Variants in PRL observed in about 807,000 individuals in gnomAD.
PRL encodes the protein decidual prolactin.
A neutral mutation model predicts 21.3 loss-of-function variants in PRL; 24 were observed. The observed-to-expected ratio is 1.13, with a 90% CI of 0.82 to 1.59. The LOEUF (loss-of-function observed/expected upper bound fraction) is 1.59, where lower values mean the gene tolerates loss of function less well. Among genes scored for constraint, PRL ranks in the 40% most tolerant of loss-of-function variants. The pLI, the probability that PRL is intolerant of heterozygous loss-of-function variation, is 0.00. For missense variants in PRL, 243 were observed against 286.9 expected (o/e 0.85, Z 1.10); for synonymous variants, 118 against 115.7 (o/e 1.02, Z -0.13).
upstream of PRL, among the ~76,000 whole-genome samples, chr6:22,297,956 A>T (rs1404444891): frequency 1.3e-5 from 2 of 152,212 alleles, no homozygotes; most frequent in African/African-American, 4.8e-5. Context: ...TGGGAAATGA[A>T]TTCTCTTGTA....
intron 1 of PRL, 106 bp from the exon 2 acceptor site, chr6:22,294,690 G>A: frequency 8.0e-7 from 1 of 1,248,696 alleles, no homozygotes; most frequent in Non-Finnish European, 1.1e-6. Context: ...GCCCTCAGCT[G>A]CCTGATTTGC....
chr6:22,300,300 T>G (rs2113521795), upstream of PRL, among the ~76,000 whole-genome samples: 1 of 152,346 alleles, frequency 6.6e-6, no homozygotes. Context: ...GCAATCTAAC[T>G]TAGTATGTAA....
intron 1 of PRL, among the ~76,000 whole-genome samples, chr6:22,295,432 C>T (rs1056215546): frequency 6.6e-6 from 1 of 152,074 alleles, no homozygotes; most frequent in Non-Finnish European, 1.5e-5. Flanking sequence ...TAATGGGGGC[C>T]GCATGAGTAG....
At position 22,290,364 on chromosome 6, in the gene PRL, A is replaced by G. The variant is rs769085266; in HGVS notation, c.313-11T>C. ...CAGAAAGTCTTTTTGCTACGAAACC[A>G]TATAGAACAATTGCATTAAAATAGG... is the stretch of plus-strand genomic sequence containing the variant. On this transcript the variant is annotated splice_polypyrimidine_tract_variant and intron_variant, in intron 3 of 4. Coordinates refer to ENST00000306482, the MANE Select transcript of PRL (RefSeq NM_000948.6). The G allele has an allele frequency of 1.5e-5, 24 of 1,560,856 alleles. No homozygotes were observed. Among genetic ancestry groups the G allele is most frequent in the Non-Finnish European group, 2.0e-5 (23 of 1,143,508 alleles).
intron 2 of PRL, among the ~76,000 whole-genome samples, chr6:22,293,673 GGGAAGGAAGGAAAAAA>G (rs1761109980): frequency 1.0e-4 from 3 of 29,368 alleles, no homozygotes; most frequent in South Asian, 1.1e-3. Context: ...GAAGGAAGGA[GGGAAGGAAGGAAAAAA>G]GGAAGGAAGG....
At position 22,288,376 on chromosome 6, in the gene PRL, C is replaced by T. The variant is rs1034817086; in HGVS notation, c.493-783G>A. ...TGGTGAAATCCCATCTCTACAAAAACATACAAAAATCAGCCGTGCCTATTG... is the reference window on the plus strand; with the variant it reads ...TGGTGAAATCCCATCTCTACAAAAATATACAAAAATCAGCCGTGCCTATTG... On this transcript the variant is annotated intron_variant, in intron 4 of 4. Coordinates refer to ENST00000306482, the MANE Select transcript of PRL (RefSeq NM_000948.6). The surrounding 1 kb of genome is among the most constrained non-coding windows in gnomAD (Gnocchi z 4.5). 6.6e-6 allele frequency among the ~76,000 whole-genome samples: 1 copy of T among 151,966 alleles called. No homozygotes were observed. Among genetic ancestry groups the T allele is most frequent in the African/African-American group, 2.4e-5 (1 of 41,382 alleles).
chr6:22,297,927 G>C (rs959588366), upstream of PRL, among the ~76,000 whole-genome samples: 9 of 152,296 alleles, frequency 5.9e-5, no homozygotes, highest in Middle Eastern at 3.4e-3. Context: ...CGGAAAATCA[G>C]GAGTCATATG....
At chr6:22,291,656 C>T (rs1476643894) in intron 3 of PRL, among the ~76,000 whole-genome samples, 3 of 152,108 alleles carry the variant, frequency 2.0e-5, no homozygotes, top group Admixed American at 6.5e-5. Context: ...CTTCCTCCTC[C>T]TTCTCCCCTT....
chr6:22,295,374 C>T lies in PRL; in HGVS notation c.29-790G>A, dbSNP rs1360248436. 1.3e-5 allele frequency among the ~76,000 whole-genome samples: 2 copies of T among 152,230 alleles called. 1 individual carries two copies. The highest frequency in any genetic ancestry group is 4.2e-4 in the South Asian group (2 of 4,812). On this transcript the variant is annotated intron_variant, in intron 1 of 4. Coordinates refer to ENST00000306482, the MANE Select transcript of PRL (RefSeq NM_000948.6). ...TGCCAATACTGTGGTCTTTGCACGT[C>T]GTCTTGTCACATCGCGTACACCTGT...
upstream of PRL, among the ~76,000 whole-genome samples, chr6:22,301,890 A>G (rs781165224): frequency 4.6e-5 from 7 of 152,246 alleles, no homozygotes; most frequent in Non-Finnish European, 8.8e-5. Context: ...CTTTGATGGA[A>G]TGCTCTGATG....
At chr6:22,289,348 G>A in intron 4 of PRL, among the ~76,000 whole-genome samples, 1 of 152,030 alleles carries the variant, frequency 6.6e-6, no homozygotes. Flanking sequence ...TTTTTCTTTA[G>A]ATGGTACATT....
chr6:22,297,697 T>C (rs1266922441), upstream of PRL, among the ~76,000 whole-genome samples: 1 of 152,238 alleles, frequency 6.6e-6, no homozygotes, highest in Non-Finnish European at 1.5e-5. Context: ...TTATTTCTTT[T>C]GATTTTAACA....
chr6:22,294,987 G>A (rs1343706746), intron 1 of PRL, among the ~76,000 whole-genome samples: 1 of 152,020 alleles, frequency 6.6e-6, no homozygotes, highest in African/African-American at 2.4e-5. Flanking sequence ...AACTAGGTGT[G>A]TCTGATAATT....
chr6:22,296,955 C>A lies in PRL; in HGVS notation c.28G>T (p.Gly10Trp). ...CAACGCAGTGAGTTGTCACACATAC[C>A]TTTCCATGGCGATCCTTTGATGTTC... MNIKGSPWKGSLLLLLVSNL... is the reference protein window; with the variant it reads MNIKGSPWKWSLLLLLVSNL... Residue 10 changes from glycine to tryptophan, a missense_variant and splice_region_variant, in exon 1 of 5, where the codon GGG (glycine) becomes TGG (tryptophan). Transcript: ENST00000306482. 1.2e-6 allele frequency: 2 copies of A among 1,613,982 alleles called. No individual in the cohort carries two copies. The highest frequency in any genetic ancestry group is 1.7e-6 in the Non-Finnish European group (2 of 1,179,922).
In PRL at chr6:22,290,386, T is replaced by C. The variant is rs776185716; in HGVS notation, c.313-33A>G. On this transcript the variant is annotated intron_variant, in intron 3 of 4. Transcript: ENST00000306482. ...ACCATATAGAACAATTGCATTAAAATAGGTAAAATACAATGGGGTTAGTTA... is the reference window on the plus strand; with the variant it reads ...ACCATATAGAACAATTGCATTAAAACAGGTAAAATACAATGGGGTTAGTTA... The C allele has an allele frequency of 2.7e-6, 4 of 1,481,228 alleles. No individual in the cohort carries two copies. The South Asian group carries it at 5.8e-5, about 21-fold the overall frequency. The allele number at this position is 1,481,228 out of a possible 1,614,324, so 91.8% of individuals were successfully genotyped here.
Position 22,290,306 on chromosome 6 carries a change from A to G in PRL, c.360T>C (p.Asn120=). Residue 120 remains asparagine, a synonymous_variant, in exon 4 of 5, where the codon AAT becomes AAC. Coordinates refer to ENST00000306482, the MANE Select transcript of PRL (RefSeq NM_000948.6). Reference sequence around the variant, plus strand: ...CCGTGACCAGATGATACAGAGGCTCATTCCAGGATCGCAATATGCTGACTA... The same window carrying G: ...CCGTGACCAGATGATACAGAGGCTCGTTCCAGGATCGCAATATGCTGACTA... The part of the protein sequence containing the change: ...SLIVSILRSW[N]EPLYHLVTEV... The G allele has an allele frequency of 6.2e-7, 1 of 1,609,568 alleles. No individual in the cohort carries two copies. The highest frequency in any genetic ancestry group is 1.1e-5 in the South Asian group (1 of 90,446).
upstream of PRL, chr6:22,297,130 A>G (rs1259934818): frequency 1.4e-6 from 1 of 737,788 alleles, no homozygotes; most frequent in Non-Finnish European, 2.2e-6. Flanking sequence ...CTGGTCATCT[A>G]TTTCCGTCAT....
At position 22,288,763 on chromosome 6, in the gene PRL, A is replaced by G. The variant is rs1029281607; in HGVS notation, c.493-1170T>C. 6.6e-6 allele frequency among the ~76,000 whole-genome samples: 1 copy of G among 152,196 alleles called. No homozygotes were observed. Among genetic ancestry groups the G allele is most frequent in the African/African-American group, 2.4e-5 (1 of 41,462 alleles). ...GGGATGTCAGCTAGTTTGGAGAGTT[A>G]TTAGGTATATATCTGGATGTAGACG... On this transcript the variant is annotated intron_variant, in intron 4 of 4. Transcript: ENST00000306482. This position sits in a 1 kb window ranked among gnomAD's most constrained non-coding sequence, Gnocchi z 4.5.
upstream of PRL, among the ~76,000 whole-genome samples, chr6:22,298,578 A>G (rs6942019): frequency 7.2e-3 from 1,103 of 152,286 alleles, 11 homozygotes; most frequent in African/African-American, 0.025. Flanking sequence ...CTATCTTCCT[A>G]ATTGCCTTAG....
Sources: allele counts gnomAD v4.1 joint callset (sites outside exome capture counted in the v4.1 genomes callset), GRCh38; gene constraint gnomAD v4.1.1; non-coding constraint Gnocchi (gnomAD v3.1); transcripts MANE v1.5; gene names NCBI Gene and HGNC (gene_info 2026-07-23, HGNC 2026-07-21).